Variants in SGCD observed in about 807,000 individuals in gnomAD.
The protein encoded by SGCD is sarcoglycan delta.
SGCD carries 18 observed loss-of-function variants against 36.6 expected under a neutral mutation model. The ratio of observed to expected loss-of-function variants is 0.49; its 90% confidence interval spans 0.34 to 0.73. The LOEUF is 0.73. Among genes scored for constraint, SGCD ranks in the 30% least tolerant of loss-of-function variants. The probability of loss-of-function intolerance (pLI) is 0.01; values close to 1 mark genes in which losing one functional copy is unlikely to be tolerated. For synonymous variants in SGCD, 133 were observed against 130.6 expected, an observed-to-expected ratio of 1.02 and a Z score of -0.12; for missense variants, 387 against 346.7, an observed-to-expected ratio of 1.12 and a Z score of -0.92.
At chr5:155,928,679 A>T (rs1676466108) in intron 1 of SGCD, among the ~76,000 whole-genome samples, 1 of 119,388 alleles carries the variant, frequency 8.4e-6, no homozygotes, top group South Asian at 2.6e-4. Flanking sequence ...AAAAAAAAAA[A>T]AAAAAAAAAG....
chr5:156,152,640 T>G (rs1014234165), intron 3 of SGCD, among the ~76,000 whole-genome samples: 1 of 151,750 alleles, frequency 6.6e-6, no homozygotes, highest in African/African-American at 2.4e-5. Flanking sequence ...GTTGACTACC[T>G]GTTGAAATGG....
At chr5:156,490,487 C>CAA (rs57894090) in intron 3 of SGCD, among the ~76,000 whole-genome samples, 38 of 147,772 alleles carry the variant, frequency 2.6e-4, no homozygotes, top group Non-Finnish European at 4.2e-4. Flanking sequence ...TGTAACATAT[C>CAA]AAAAAAAAAA....
chr5:156,083,541 C>G (rs79716708), intron 1 of SGCD, among the ~76,000 whole-genome samples: 3 of 151,350 alleles, frequency 2.0e-5, no homozygotes, highest in Non-Finnish European at 4.4e-5. Context: ...GTGATCTGCC[C>G]GCCTCAACAT....
intron 3 of SGCD, among the ~76,000 whole-genome samples, chr5:156,354,323 G>A (rs371301317): frequency 6.6e-6 from 1 of 152,066 alleles, no homozygotes; most frequent in South Asian, 2.1e-4. Flanking sequence ...CTTGATTGGG[G>A]AGCCTCAGGC....
intron 3 of SGCD, among the ~76,000 whole-genome samples, chr5:156,360,204 C>A (rs567847887): frequency 6.6e-6 from 1 of 152,082 alleles, no homozygotes; most frequent in South Asian, 2.1e-4. Flanking sequence ...TCTGGTTGAT[C>A]CCTACCCTTC....
chr5:156,364,349 A>G (rs1325998892), intron 3 of SGCD, among the ~76,000 whole-genome samples: 1 of 148,666 alleles, frequency 6.7e-6, no homozygotes, highest in Non-Finnish European at 1.5e-5. Context: ...TGCCTATCTT[A>G]TTATTAGTGT....
At chr5:156,300,205 G>A (rs571573639) in intron 3 of SGCD, among the ~76,000 whole-genome samples, 1 of 150,674 alleles carries the variant, frequency 6.6e-6, no homozygotes, top group Non-Finnish European at 1.5e-5. Context: ...TACATCATTA[G>A]ATTATGTAAG....
At chr5:156,467,694 A>G (rs573822592) in intron 3 of SGCD, among the ~76,000 whole-genome samples, 3 of 152,370 alleles carry the variant, frequency 2.0e-5, no homozygotes, top group Admixed American at 1.3e-4. Context: ...GAAAAGACAC[A>G]TATAATTAAA....
intron 3 of SGCD, among the ~76,000 whole-genome samples, chr5:156,180,778 G>A (rs1328633309): frequency 1.3e-5 from 2 of 152,176 alleles, no homozygotes; most frequent in African/African-American, 4.8e-5. Context: ...GTATGGATTT[G>A]GGAGGCACAC....
rs1403491281 is a variant in SGCD at position 156,423,280 on chromosome 5, T to TTATATTTTATTATAATATAA, written c.192+78650_192+78669dup. On this transcript the variant is annotated intron_variant, in intron 3 of 8. Transcript: ENST00000337851. ...TATTTTATTATAATATAACATTATA[T>TTATATTTTATTATAATATAA]TATATTTTATTATAATATAATATAT... Among the ~76,000 whole-genome samples, 214 of 97,318 alleles carry TTATATTTTATTATAATATAA rather than the reference T, an allele frequency of 2.2e-3. 2 individuals are homozygous for TTATATTTTATTATAATATAA. Among genetic ancestry groups the TTATATTTTATTATAATATAA allele is most frequent in the Non-Finnish European group, 3.4e-3 (178 of 52,990 alleles). 63.8% of individuals were successfully genotyped at this position (97,318 alleles called of 152,430 possible).
chr5:156,655,683 A>G (rs1763644373), intron 7 of SGCD, among the ~76,000 whole-genome samples: 1 of 152,164 alleles, frequency 6.6e-6, no homozygotes, highest in African/African-American at 2.4e-5. Flanking sequence ...ATTCCAGACT[A>G]TACTTGAAAT....
At chr5:155,993,021 C>G (rs1758465408) in intron 1 of SGCD, among the ~76,000 whole-genome samples, 1 of 152,150 alleles carries the variant, frequency 6.6e-6, no homozygotes, top group Non-Finnish European at 1.5e-5. Flanking sequence ...CACCCCAAGG[C>G]CAGGATCTAA....
intron 3 of SGCD, among the ~76,000 whole-genome samples, chr5:156,180,361 T>C (rs1223945976): frequency 6.6e-6 from 1 of 151,814 alleles, no homozygotes; most frequent in African/African-American, 2.4e-5. Context: ...TCATAGCCAG[T>C]ACAATAAAGC....
At chr5:155,886,481 TGTGTGTGTGTGTGCGCGCACGCGCGC>T (rs1239286074) in intron 1 of SGCD, among the ~76,000 whole-genome samples, 3 of 147,920 alleles carry the variant, frequency 2.0e-5, no homozygotes, top group Admixed American at 6.7e-5. Flanking sequence ...TGCAGAGGAA[TGTGTGTGTGTGTGCGCGCACGCGCGC>T]GTGCGTGTGT....
At chr5:155,809,243 T>C in the SGCD span, among the ~76,000 whole-genome samples, 3 of 152,344 alleles carry the variant, frequency 2.0e-5, no homozygotes, top group South Asian at 2.1e-4. Context: ...AGCGATGTGA[T>C]GCATTTTTGG....
At chr5:156,203,185 T>A (rs772169934) in intron 3 of SGCD, among the ~76,000 whole-genome samples, 2 of 152,144 alleles carry the variant, frequency 1.3e-5, no homozygotes, top group Non-Finnish European at 2.9e-5. Flanking sequence ...GTGCCTCTAT[T>A]TGCTGTGGCA....
chr5:155,736,816 C>T, the SGCD span, among the ~76,000 whole-genome samples: 1 of 152,032 alleles, frequency 6.6e-6, no homozygotes, highest in Non-Finnish European at 1.5e-5. Flanking sequence ...TTTCCAGTAA[C>T]TTGATGTTGT....
At chr5:156,724,173 T>C (rs966966515) in intron 7 of SGCD, among the ~76,000 whole-genome samples, 2 of 152,192 alleles carry the variant, frequency 1.3e-5, no homozygotes, top group African/African-American at 4.8e-5. Context: ...ATGTGCACAG[T>C]TCAGTTATCT....
chr5:156,114,904 G>A (rs965423161), intron 1 of SGCD, among the ~76,000 whole-genome samples: 4 of 152,010 alleles, frequency 2.6e-5, no homozygotes, highest in South Asian at 2.1e-4. Flanking sequence ...GAGAAAAGGT[G>A]TTCAATATAA....
Sources: gnomAD v4.1 joint callset for allele counts (sites outside exome capture counted in the v4.1 genomes callset) on GRCh38, gnomAD v4.1.1 for gene constraint, MANE v1.5 for transcripts, NCBI Gene and HGNC (gene_info 2026-07-23, HGNC 2026-07-21) for gene names.